The following CSMD1 variants were observed in gnomAD, a reference collection of about 807,000 sequenced individuals.
CSMD1 encodes CUB and Sushi multiple domains 1.
Under a neutral mutation model 417.5 loss-of-function variants are expected in CSMD1, and 213 were observed. That is an observed-to-expected ratio of 0.51 (90% CI 0.46 to 0.57). The LOEUF (loss-of-function observed/expected upper bound fraction) is 0.57. CSMD1 is among the 20% of genes least tolerant of loss of function. The pLI, the probability that CSMD1 is intolerant of heterozygous loss-of-function variation, is 0.00. For synonymous variants in CSMD1, 2,862 were observed against 1,736.8 expected (o/e 1.65, Z -16.11); for missense variants, 6,923 against 4,529.7 (o/e 1.53, Z -15.17).
At chr8:3,217,638 G>C (rs1797957356) in intron 29 of CSMD1, among the ~76,000 whole-genome samples, 1 of 152,168 alleles carries the variant, frequency 6.6e-6, no homozygotes, top group African/African-American at 2.4e-5. Flanking sequence ...AGGCTCAAAA[G>C]TACTGTTTTC....
intron 5 of CSMD1, among the ~76,000 whole-genome samples, chr8:3,828,728 C>T (rs1346661801): frequency 2.6e-5 from 4 of 152,140 alleles, no homozygotes; most frequent in African/African-American, 9.7e-5. Flanking sequence ...TTTCTGCAAG[C>T]CTCACCAGAG....
At chr8:3,308,174 A>T in intron 24 of CSMD1, 138 bp downstream of exon 24, 1 of 687,680 alleles carries the variant, frequency 1.5e-6, no homozygotes, top group African/African-American at 1.8e-5. Flanking sequence ...ACACGTGCAA[A>T]TCTCAGAATA....
intron 23 of CSMD1, among the ~76,000 whole-genome samples, chr8:3,341,537 G>A (rs1455774927): frequency 6.6e-6 from 1 of 152,158 alleles, no homozygotes; most frequent in Non-Finnish European, 1.5e-5. Context: ...TGTGTTTTTT[G>A]TGAAGCAGCC....
At chr8:4,467,199 T>G (rs1478696915) in intron 2 of CSMD1, among the ~76,000 whole-genome samples, 1 of 151,854 alleles carries the variant, frequency 6.6e-6, no homozygotes. Context: ...TTCAAAGTCC[T>G]TAACAGTTTC....
intron 36 of CSMD1, among the ~76,000 whole-genome samples, chr8:3,182,362 G>A (rs1483282733): frequency 1.3e-5 from 2 of 152,110 alleles, no homozygotes; most frequent in African/African-American, 4.8e-5. Context: ...TTACAGGCAT[G>A]CTCCACCATG....
At chr8:4,969,381 T>C (rs2117373672) in intron 1 of CSMD1, among the ~76,000 whole-genome samples, 1 of 151,978 alleles carries the variant, frequency 6.6e-6, no homozygotes, top group African/African-American at 2.4e-5. Context: ...TAAAACGAGA[T>C]GGGGATGCTC....
intron 3 of CSMD1, among the ~76,000 whole-genome samples, chr8:4,281,565 C>G (rs181639520): frequency 6.6e-6 from 1 of 152,142 alleles, no homozygotes; most frequent in African/African-American, 2.4e-5. Context: ...ACAAATGAGA[C>G]TGTTCTTTTT....
chr8:3,454,541 G>A lies in CSMD1; in HGVS notation c.1561+14171C>T, dbSNP rs574578569. Among the ~76,000 whole-genome samples, 4 of 152,264 alleles carry A rather than the reference G, an allele frequency of 2.6e-5. No individual in the cohort carries two copies. In the South Asian group the frequency reaches 6.2e-4, roughly 24 times the overall value. On this transcript the variant is annotated intron_variant, in intron 12 of 69. Transcript: ENST00000635120. ...AGAATCTCTCAGCATTTGCTTGTCT[G>A]TAAAGGATTTTATTTCTCCTTCACT...
chr8:4,212,384 T>C (rs1800366348), intron 3 of CSMD1, among the ~76,000 whole-genome samples: 1 of 152,092 alleles, frequency 6.6e-6, no homozygotes, highest in African/African-American at 2.4e-5. Flanking sequence ...AGAATCTCAC[T>C]AAGATGAAAG....
In CSMD1 at chr8:4,129,087, AAAAAACAAAAC is replaced by A. The variant is rs1200991556; in HGVS notation, c.416-96999_416-96989del. Reference sequence around the variant, plus strand: ...GAGAGTCCAACTCAAAAAAAAAAAAAAAAAACAAAACAAAAAAAACAGAATTTTTATTGTTG... The same window carrying A: ...GAGAGTCCAACTCAAAAAAAAAAAAAAAAAAAAACAGAATTTTTATTGTTG... On this transcript the variant is annotated intron_variant, in intron 3 of 69. Transcript: ENST00000635120. Among the ~76,000 whole-genome samples, 68 of 151,202 alleles carry A rather than the reference AAAAAACAAAAC, an allele frequency of 4.5e-4. 2 individuals carry two copies. In the Admixed American group the frequency reaches 4.5e-3, roughly 10 times the overall value.
chr8:3,378,091 T>C (rs966760), intron 18 of CSMD1, among the ~76,000 whole-genome samples: 70,826 of 151,944 alleles, frequency 0.47, 16,695 homozygotes, highest in Middle Eastern at 0.48. Context: ...GTATTGAATA[T>C]TGGATGTGTT....
chr8:4,726,837 G>A (rs1267998262), intron 1 of CSMD1, among the ~76,000 whole-genome samples: 1 of 152,132 alleles, frequency 6.6e-6, no homozygotes, highest in African/African-American at 2.4e-5. Flanking sequence ...ACCTGAAGAT[G>A]CAAATGACCT....
At chr8:4,591,632 G>A (rs541876993) in intron 2 of CSMD1, among the ~76,000 whole-genome samples, 7 of 152,310 alleles carry the variant, frequency 4.6e-5, no homozygotes, top group East Asian at 1.9e-4. Context: ...GCCTTCAACT[G>A]TCAGCAGGAG....
intron 5 of CSMD1, among the ~76,000 whole-genome samples, chr8:3,921,311 AAG>A (rs1809242657): frequency 6.6e-6 from 1 of 152,054 alleles, no homozygotes; most frequent in Non-Finnish European, 1.5e-5. Context: ...TACTTAGCAT[AAG>A]AGTTTATCAT....
intron 3 of CSMD1, among the ~76,000 whole-genome samples, chr8:4,353,210 C>T (rs1344150896): frequency 6.6e-6 from 1 of 152,034 alleles, no homozygotes; most frequent in Non-Finnish European, 1.5e-5. Flanking sequence ...CAGGTGGAGA[C>T]AAGTGAATCA....
At chr8:3,379,970 G>C (rs1810532936) in intron 18 of CSMD1, among the ~76,000 whole-genome samples, 1 of 152,080 alleles carries the variant, frequency 6.6e-6, no homozygotes, top group Admixed American at 6.6e-5. Flanking sequence ...TACAGAATGG[G>C]AGAAAAATTT....
chr8:3,389,298 G>A (rs1563337591), intron 17 of CSMD1, among the ~76,000 whole-genome samples: 1 of 152,052 alleles, frequency 6.6e-6, no homozygotes, highest in Non-Finnish European at 1.5e-5. Flanking sequence ...GCCCCAGTGT[G>A]TGTTGTTCCC....
intron 1 of CSMD1, among the ~76,000 whole-genome samples, chr8:4,901,390 C>T (rs1804859981): frequency 6.6e-6 from 1 of 152,114 alleles, no homozygotes; most frequent in Non-Finnish European, 1.5e-5. Context: ...GTTAGGATTT[C>T]TACACTTGAA....
At chr8:3,509,932 C>A (rs573858747) in intron 10 of CSMD1, among the ~76,000 whole-genome samples, 30 of 152,240 alleles carry the variant, frequency 2.0e-4, no homozygotes, top group Admixed American at 8.5e-4. Flanking sequence ...AAGTTGCTGG[C>A]ATTTCAGCCT....
Sources: allele counts gnomAD v4.1 joint callset (sites outside exome capture counted in the v4.1 genomes callset), GRCh38; gene constraint gnomAD v4.1.1; transcripts MANE v1.5; gene names NCBI Gene and HGNC (gene_info 2026-07-23, HGNC 2026-07-21).